COL24A1: variants seen among roughly 807,000 people sequenced by gnomAD.
COL24A1 encodes the protein collagen alpha-1(XXIV) chain.
Under a neutral mutation model 253.9 loss-of-function variants are expected in COL24A1, and 224 were observed. The ratio of observed to expected loss-of-function variants is 0.88; its 90% CI spans 0.79 to 0.99. The LOEUF is 0.99. Ranked by LOEUF, COL24A1 falls within the 50% of genes least tolerant of loss-of-function variation. The probability of loss-of-function intolerance (pLI) is 0.00; values close to 1 mark genes in which losing one functional copy is unlikely to be tolerated. For synonymous variants in COL24A1, 685 were observed against 673.7 expected (o/e 1.02, Z -0.26); for missense variants, 2,131 against 2,068.5 (o/e 1.03, Z -0.59).
At chr1:86,062,122 C>T (rs1251111108) in intron 8 of COL24A1, among the ~76,000 whole-genome samples, 1 of 151,952 alleles carries the variant, frequency 6.6e-6, no homozygotes, top group South Asian at 2.1e-4. Flanking sequence ...ATATGTAAAA[C>T]TGAATAATTA....
chr1:85,820,079 C>T (rs897002185), intron 45 of COL24A1, among the ~76,000 whole-genome samples: 2 of 152,016 alleles, frequency 1.3e-5, no homozygotes, highest in African/African-American at 4.8e-5. Flanking sequence ...AACTCCTGAC[C>T]TCAGGTGATC....
intron 28 of COL24A1, 109 bp downstream of exon 28, chr1:85,907,085 G>A: frequency 5.0e-6 from 4 of 804,074 alleles, no homozygotes; most frequent in Non-Finnish European, 8.1e-6. Flanking sequence ...AACCTGACAA[G>A]ATCTAAGCAG....
intron 22 of COL24A1, among the ~76,000 whole-genome samples, chr1:85,967,198 T>C (rs560504956): frequency 2.0e-5 from 3 of 152,180 alleles, no homozygotes; most frequent in African/African-American, 7.2e-5. Context: ...AGTTCTCTTC[T>C]GGTTACTTCA....
intron 31 of COL24A1, among the ~76,000 whole-genome samples, chr1:85,892,108 T>G (rs1683198935): frequency 6.6e-6 from 1 of 152,122 alleles, no homozygotes; most frequent in Admixed American, 6.5e-5. Context: ...ATAGAGAAAC[T>G]GAAGCCCAGA....
At chr1:85,767,829 T>C (rs765436307) in intron 53 of COL24A1, among the ~76,000 whole-genome samples, 1 of 152,194 alleles carries the variant, frequency 6.6e-6, no homozygotes, top group Admixed American at 6.5e-5. Context: ...GAACTGGAAA[T>C]AGTGTTTCAC....
At chr1:85,865,554 G>T (rs1346901748) in intron 37 of COL24A1, among the ~76,000 whole-genome samples, 1 of 152,064 alleles carries the variant, frequency 6.6e-6, no homozygotes, top group Non-Finnish European at 1.5e-5. Flanking sequence ...TTCCATCTCT[G>T]CTCTACTCGT....
At chr1:85,766,097 G>A (rs1262891609) in intron 53 of COL24A1, among the ~76,000 whole-genome samples, 1 of 152,034 alleles carries the variant, frequency 6.6e-6, no homozygotes, top group Admixed American at 6.6e-5. Flanking sequence ...TGGGTGCGGT[G>A]GCTTATGCCT....
chr1:85,868,147 C>T (rs1679999741), intron 37 of COL24A1, among the ~76,000 whole-genome samples: 1 of 152,146 alleles, frequency 6.6e-6, no homozygotes, highest in Non-Finnish European at 1.5e-5. Context: ...GATCTGATAG[C>T]TCATATTATG....
intron 7 of COL24A1, among the ~76,000 whole-genome samples, chr1:86,065,314 T>C (rs1046316117): frequency 2.0e-5 from 3 of 152,206 alleles, no homozygotes; most frequent in Non-Finnish European, 2.9e-5. Flanking sequence ...TCAGAGTTAG[T>C]TTCCTCCCTA....
intron 24 of COL24A1, among the ~76,000 whole-genome samples, chr1:85,937,186 T>C (rs1232423209): frequency 6.8e-6 from 1 of 147,744 alleles, no homozygotes; most frequent in African/African-American, 2.5e-5. Flanking sequence ...AAACTGAAGA[T>C]GGATGGCAGC....
At chr1:85,858,621 C>CTCCCTTCCTTCCTTCCT (rs1347863094) in intron 37 of COL24A1, among the ~76,000 whole-genome samples, 11 of 113,372 alleles carry the variant, frequency 9.7e-5, no homozygotes, top group Non-Finnish European at 1.3e-4. Context: ...TATTTTCTCC[C>CTCCCTTCCTTCCTTCCT]TCCTTCCTTC....
At chr1:85,737,352 A>C in intron 58 of COL24A1, 44 bp downstream of exon 58, 1 of 1,171,166 alleles carries the variant, frequency 8.5e-7, no homozygotes, top group South Asian at 1.4e-5. Context: ...TTTCACTGAT[A>C]CTGTGCAATA....
intron 24 of COL24A1, among the ~76,000 whole-genome samples, chr1:85,938,589 G>C (rs1688440761): frequency 6.9e-6 from 1 of 145,800 alleles, no homozygotes; most frequent in African/African-American, 2.5e-5. Context: ...GAATCCACTA[G>C]AATCCTAGGA....
chr1:86,127,796 A>G (rs1186679176), intron 2 of COL24A1, among the ~76,000 whole-genome samples: 1 of 152,088 alleles, frequency 6.6e-6, no homozygotes, highest in Non-Finnish European at 1.5e-5. Context: ...AAAAGATAGG[A>G]GAGAATCTCA....
chr1:85,897,185 A>G (rs1001620475), intron 28 of COL24A1, among the ~76,000 whole-genome samples: 2 of 152,186 alleles, frequency 1.3e-5, no homozygotes, highest in Non-Finnish European at 2.9e-5. Context: ...CTCACTTATA[A>G]GTGGGAGCTG....
chr1:85,878,587 G>C (rs1681470403), intron 32 of COL24A1, among the ~76,000 whole-genome samples: 1 of 152,118 alleles, frequency 6.6e-6, no homozygotes, highest in South Asian at 2.1e-4. Context: ...CAACTCATTT[G>C]GGTAAACACT....
chr1:86,128,698 C>A (rs960199436), intron 2 of COL24A1, among the ~76,000 whole-genome samples: 1 of 151,786 alleles, frequency 6.6e-6, no homozygotes, highest in Non-Finnish European at 1.5e-5. Flanking sequence ...AATATGCTTC[C>A]TCCAATTCTA....
chr1:85,783,772 A>C (rs1040409313), intron 50 of COL24A1, among the ~76,000 whole-genome samples: 1 of 152,192 alleles, frequency 6.6e-6, no homozygotes, highest in Non-Finnish European at 1.5e-5. Flanking sequence ...GGATAAGCAC[A>C]ATAATGCCAG....
At position 85,895,735 on chromosome 1, in the gene COL24A1, G is replaced by A. The variant is rs1293807806; in HGVS notation, c.2922+123C>T. On this transcript the variant is annotated intron_variant, in intron 31 of 59. Coordinates refer to ENST00000370571, the MANE Select transcript of COL24A1 (RefSeq NM_152890.7). Reference sequence around the variant, plus strand: ...TATACATATATCAAAATATCACATTGTATACTGCAAATATATATAATTTTT... The same window carrying A: ...TATACATATATCAAAATATCACATTATATACTGCAAATATATATAATTTTT... 11 of 759,480 alleles carry A rather than the reference G, an allele frequency of 1.4e-5. No individual in the cohort carries two copies. In the South Asian group the frequency reaches 1.7e-4, roughly 11 times the overall value. The allele number at this position is 759,480 out of a possible 1,614,324, so 47.0% of individuals were successfully genotyped here.
Sources: gnomAD v4.1 joint callset for allele counts (sites outside exome capture counted in the v4.1 genomes callset) on GRCh38, gnomAD v4.1.1 for gene constraint, MANE v1.5 for transcripts, NCBI Gene and HGNC (gene_info 2026-07-23, HGNC 2026-07-21) for gene names.